NSUN3: variants seen among roughly 807,000 people sequenced by gnomAD.
The protein encoded by NSUN3 is tRNA (cytosine(34)-C(5))-methyltransferase, mitochondrial.
In NSUN3, 24 loss-of-function variants were observed where a neutral mutation model predicts 36.8. The observed-to-expected ratio is 0.65, with a 90% confidence interval of 0.47 to 0.92. The LOEUF is 0.92. NSUN3 is among the 40% of genes least tolerant of loss of function. The pLI is 0.00. For synonymous variants in NSUN3, 146 were observed against 145.2 expected, an observed-to-expected ratio of 1.01 and a Z score of -0.04; for missense variants, 381 against 392.8, an observed-to-expected ratio of 0.97 and a Z score of 0.25.
chr3:94,088,408 C>G (rs930372859), intron 3 of NSUN3, among the ~76,000 whole-genome samples: 6 of 152,104 alleles, frequency 3.9e-5, no homozygotes, highest in African/African-American at 1.2e-4. Context: ...AATCCTAGGG[C>G]TCTGAGGAAC....
At chr3:94,114,839 C>T (rs1214140557) in intron 5 of NSUN3, among the ~76,000 whole-genome samples, 1 of 152,152 alleles carries the variant, frequency 6.6e-6, no homozygotes, top group Admixed American at 6.5e-5. Context: ...GTTTAGCTCC[C>T]ATTTATAATT....
chr3:94,076,057 C>G, intron 2 of NSUN3: 1 of 1,601,896 alleles, frequency 6.2e-7, no homozygotes, highest in South Asian at 1.1e-5. Flanking sequence ...AATCAGATAT[C>G]TTGGCAGTGT....
chr3:94,130,023 G>A lies in NSUN3; in HGVS notation c.*3533G>A, dbSNP rs1001539483. On this transcript the variant is annotated 3_prime_UTR_variant, in exon 6 of 6. Coordinates refer to ENST00000314622, the MANE Select transcript of NSUN3 (RefSeq NM_022072.5). ...CCTGCCTCAGCCTCCCAAAGTGCTG[G>A]GATTACAGGCGTGAGCCACCACACC... is the stretch of plus-strand genomic sequence containing the variant. Among the ~76,000 whole-genome samples the A allele has an allele frequency of 7.2e-5, 11 of 151,890 alleles. No individual in the cohort carries two copies. Among genetic ancestry groups the A allele is most frequent in the African/African-American group, 2.7e-4 (11 of 41,322 alleles).
intron 5 of NSUN3, among the ~76,000 whole-genome samples, chr3:94,096,629 G>A (rs1232503896): frequency 6.6e-6 from 1 of 152,114 alleles, no homozygotes; most frequent in Non-Finnish European, 1.5e-5. Flanking sequence ...CCCCCAAGTG[G>A]CTGGGATTAT....
intron 4 of NSUN3, 152 bp downstream of exon 4, chr3:94,094,446 GT>G: frequency 1.5e-6 from 1 of 687,142 alleles, no homozygotes; most frequent in East Asian, 2.8e-5. Flanking sequence ...CATGGAAGCA[GT>G]TTTCATTTGA....
At chr3:94,113,027 G>A (rs1266158327) in intron 5 of NSUN3, among the ~76,000 whole-genome samples, 5 of 152,060 alleles carry the variant, frequency 3.3e-5, no homozygotes, top group African/African-American at 1.2e-4. Context: ...ACCATGCCCG[G>A]CTAATTTTTT....
intron 5 of NSUN3, among the ~76,000 whole-genome samples, chr3:94,105,712 T>A (rs890040309): frequency 6.6e-6 from 1 of 151,816 alleles, no homozygotes; most frequent in African/African-American, 2.4e-5. Flanking sequence ...CATGTAGAAT[T>A]TCACTTGAAG....
chr3:94,089,178 T>C (rs1194870108), intron 3 of NSUN3, among the ~76,000 whole-genome samples: 9 of 152,184 alleles, frequency 5.9e-5, no homozygotes, highest in African/African-American at 2.2e-4. Flanking sequence ...CTTACCATTA[T>C]CCTTTGCAGC....
At position 94,093,442 on chromosome 3, in the gene NSUN3, G is replaced by T. The variant is rs908813005; in HGVS notation, c.467-698G>T. On this transcript the variant is annotated intron_variant, in intron 3 of 5. Transcript: ENST00000314622. ...GTTAGTTCTCTAGTATTGTTGCCTT[G>T]GTAACCTGACAGAGATTGTCACTAT... is the stretch of plus-strand genomic sequence containing the variant. 4.6e-5 allele frequency among the ~76,000 whole-genome samples: 7 copies of T among 152,168 alleles called. No homozygotes were observed. In the East Asian group the frequency reaches 1.4e-3, roughly 29 times the overall value.
At chr3:94,085,470 A>G (rs989525311) in intron 3 of NSUN3, 1 of 152,252 alleles carries the variant, frequency 6.6e-6, no homozygotes, top group African/African-American at 2.4e-5. Flanking sequence ...GAAGATGGAA[A>G]TGTTGGCTGG....
At chr3:94,096,390 C>G (rs548888424) in intron 5 of NSUN3, among the ~76,000 whole-genome samples, 2 of 152,142 alleles carry the variant, frequency 1.3e-5, no homozygotes, top group Non-Finnish European at 2.9e-5. Context: ...TTTATACCAC[C>G]GTTCCCTTTT....
chr3:94,065,615 C>A (rs1316470427), intron 2 of NSUN3, among the ~76,000 whole-genome samples: 1 of 152,130 alleles, frequency 6.6e-6, no homozygotes, highest in Non-Finnish European at 1.5e-5. Flanking sequence ...TAAGTTTTGG[C>A]TAATAAAGAT....
At position 94,102,219 on chromosome 3, in the gene NSUN3, A is replaced by AC. The variant is rs1215372308; in HGVS notation, c.743+7065_743+7066insC. On this transcript the variant is annotated intron_variant, in intron 5 of 5. Coordinates refer to ENST00000314622, the MANE Select transcript of NSUN3 (RefSeq NM_022072.5). ...AGAAACGTTAAAAAAAAAAAAAAAA[A>AC]AAAAAACACTAACATCTATTCTCTG... Among the ~76,000 whole-genome samples, 638 of 151,394 alleles carry AC rather than the reference A, an allele frequency of 4.2e-3. 2 individuals are homozygous for AC. Among genetic ancestry groups the AC allele is most frequent in the African/African-American group, 0.013 (531 of 41,292 alleles).
intron 3 of NSUN3, among the ~76,000 whole-genome samples, chr3:94,089,401 A>T (rs1163993740): frequency 6.6e-6 from 1 of 152,206 alleles, no homozygotes. Context: ...CACCAGGGAG[A>T]GGCAATTTCC....
intron 5 of NSUN3, among the ~76,000 whole-genome samples, chr3:94,106,603 G>T (rs753114790): frequency 2.0e-5 from 3 of 152,176 alleles, no homozygotes; most frequent in Non-Finnish European, 2.9e-5. Context: ...TTGATAGATT[G>T]TACATGAGCT....
chr3:94,130,701 T>G lies in NSUN3; in HGVS notation c.*4211T>G, dbSNP rs2077505947. On this transcript the variant is annotated 3_prime_UTR_variant, in exon 6 of 6. Transcript: ENST00000314622. ...GCCTCTGGGGCTTCCACACTCTGGG[T>G]GTCAGGGGTACAGCTCACAGGCTTT... 6.6e-6 allele frequency among the ~76,000 whole-genome samples: 1 copy of G among 152,098 alleles called. No individual in the cohort carries two copies. Among genetic ancestry groups the G allele is most frequent in the African/African-American group, 2.4e-5 (1 of 41,408 alleles).
chr3:94,097,618 C>CT (rs2077348422), intron 5 of NSUN3, among the ~76,000 whole-genome samples: 1 of 152,156 alleles, frequency 6.6e-6, no homozygotes, highest in East Asian at 1.9e-4. Context: ...GGATCAAATA[C>CT]TTTAATAGCT....
chr3:94,116,985 C>CTTTTTTTT lies in NSUN3; in HGVS notation c.744-9204_744-9197dup, dbSNP rs60234250. Among the ~76,000 whole-genome samples the CTTTTTTTT allele has an allele frequency of 3.1e-5, 2 of 63,958 alleles. 1 individual carries two copies. The allele number at this position is 63,958 out of a possible 152,430, so 42.0% of individuals were successfully genotyped here. A position where few individuals can be genotyped will look rare whatever the true frequency, so the allele number is the denominator to read the frequency against. ...TTTAAGCCAAGTGAATCTGCCACAACTTTTTTTTTTTTTTTTTTTTTTTTT... is the reference window on the plus strand; with the variant it reads ...TTTAAGCCAAGTGAATCTGCCACAACTTTTTTTTTTTTTTTTTTTTTTTTTTTTTTTTT... On this transcript the variant is annotated intron_variant, in intron 5 of 5. Coordinates refer to ENST00000314622, the MANE Select transcript of NSUN3 (RefSeq NM_022072.5).
In NSUN3 at chr3:94,131,718, A is replaced by G. The variant is rs2077508886; in HGVS notation, c.*5228A>G. On this transcript the variant is annotated 3_prime_UTR_variant, in exon 6 of 6. Transcript: ENST00000314622. The stretch of plus-strand genomic sequence containing the variant: ...TTTCTGTGACACTGAGTTACTTTCA[A>G]AATAGCTTTATAAAAATTTAGGTTG... Among the ~76,000 whole-genome samples, 1 of 152,230 alleles carries G rather than the reference A, an allele frequency of 6.6e-6. No individual in the cohort carries two copies. Among genetic ancestry groups the G allele is most frequent in the Non-Finnish European group, 1.5e-5 (1 of 68,034 alleles).
Sources: allele counts gnomAD v4.1 joint callset (sites outside exome capture counted in the v4.1 genomes callset), GRCh38; gene constraint gnomAD v4.1.1; transcripts MANE v1.5; gene names NCBI Gene and HGNC (gene_info 2026-07-23, HGNC 2026-07-21).